The following PRAM1 variants were observed in gnomAD, a reference collection of about 807,000 sequenced individuals.
PRAM1 encodes PML-RARA-regulated adapter molecule 1.
PRAM1 carries 41 observed loss-of-function variants against 55.3 expected under a neutral mutation model. The ratio of observed to expected loss-of-function variants is 0.74; its 90% CI spans 0.58 to 0.96. The LOEUF (loss-of-function observed/expected upper bound fraction) is 0.96. PRAM1 is among the 40% of genes least tolerant of loss of function. The pLI, the probability that PRAM1 is intolerant of heterozygous loss-of-function variation, is 0.00. For missense variants in PRAM1, 898 were observed against 892.7 expected (o/e 1.01, Z -0.08); for synonymous variants, 401 against 387.1 (o/e 1.04, Z -0.42).
chr19:8,491,468 G>A, intron 4 of PRAM1: 1 of 474,522 alleles, frequency 2.1e-6, no homozygotes, highest in South Asian at 2.2e-5. Context: ...CCTGACCTCA[G>A]GCAATCCACT....
At chr19:8,495,107 T>C (rs1251718300) in intron 4 of PRAM1, among the ~76,000 whole-genome samples, 1 of 143,056 alleles carries the variant, frequency 7.0e-6, no homozygotes, top group Non-Finnish European at 1.5e-5. Flanking sequence ...GCCCGACTCA[T>C]TTTTTTTTTT....
In PRAM1 at chr19:8,498,594, G is replaced by C. The variant is rs1341964163; in HGVS notation, c.1214C>G (p.Pro405Arg). The C allele has an allele frequency of 2.5e-6, 4 of 1,612,646 alleles. No individual in the cohort carries two copies. Among genetic ancestry groups the C allele is most frequent in the Non-Finnish European group, 3.4e-6 (4 of 1,179,734 alleles). ...AGCCGCTCCAAACCCAGGGCTGAGC[G>C]GGTGCCGGGAGCTGAAGCCGGCCAC... Reference protein sequence around the residue: ...AAVAGFSSRHPLSPGFGAAGT... With the variant: ...AAVAGFSSRHRLSPGFGAAGT... Residue 405 changes from proline (P) to arginine (R), a missense_variant, in exon 2 of 10, where the codon CCG becomes CGG. By Grantham distance (103) the Pro-to-Arg change is moderately radical. Coordinates refer to ENST00000423345, the MANE Select transcript of PRAM1 (RefSeq NM_032152.5).
chr19:8,490,351 A>G lies in PRAM1; in HGVS notation c.1962T>C (p.Asp654=), dbSNP rs1208028442. ...GTGTCCACGTACCGCAGAAGTCGACATCATCGTACACCTCCGTCTCCCTGG... is the reference window on the plus strand; with the variant it reads ...GTGTCCACGTACCGCAGAAGTCGACGTCATCGTACACCTCCGTCTCCCTGG... The part of the protein sequence containing the change: ...LLPLETEVYD[D]VDFCDPLENQ... The change falls in exon 9 of 10, where the codon GAT becomes GAC. Residue 654 remains aspartate, a synonymous_variant. Transcript: ENST00000423345. This position sits in a 1 kb window ranked among gnomAD's most constrained non-coding sequence, Gnocchi z 7.3. The G allele has an allele frequency of 6.2e-7, 1 of 1,613,974 alleles. No individual in the cohort carries two copies. The highest frequency in any genetic ancestry group is 8.5e-7 in the Non-Finnish European group (1 of 1,179,886).
At position 8,499,125 on chromosome 19, in the gene PRAM1, G is replaced by A. The variant is rs377325902; in HGVS notation, c.683C>T (p.Pro228Leu). 51 of 1,613,566 alleles carry A rather than the reference G, an allele frequency of 3.2e-5. No individual in the cohort carries two copies. Among genetic ancestry groups the A allele is most frequent in the Admixed American group, 1.3e-4 (8 of 59,982 alleles). ...GAGGCCACCGACCTGAGGCTGCGGA[G>A]GCTTTTTGGGGTACACGTTGAACTC... ...QPEFNVYPKK[P>L]PQPQVGGLPK... Residue 228 changes from proline (P) to leucine (L), a missense_variant, in exon 2 of 10, where the codon CCT becomes CTT. Physicochemically the swap from Pro to Leu is moderately conservative, Grantham distance 98. Transcript: ENST00000423345.
In PRAM1 at chr19:8,499,096, T is replaced by C. The variant is rs201771866; in HGVS notation, c.712A>G (p.Lys238Glu). ...PPQPQVGGLP[K>E]KSVPQPEFSE... ...AACTCAGGCTGCGGCACGGACTTCT[T>C]AGGGAGGCCACCGACCTGAGGCTGC... Residue 238 changes from lysine to glutamate, a missense_variant, in exon 2 of 10, where the codon AAG becomes GAG. Lys to Glu is a moderately conservative substitution (Grantham distance 56). This residue lies in a region of PRAM1 where 787 missense variants were observed against 735.4 expected (regional missense o/e 1.07). Coordinates refer to ENST00000423345, the MANE Select transcript of PRAM1 (RefSeq NM_032152.5). The C allele has an allele frequency of 4.1e-4, 655 of 1,613,392 alleles. 1 individual carries two copies. The highest frequency in any genetic ancestry group is 3.9e-4 in the Non-Finnish European group (457 of 1,179,744).
In PRAM1 at chr19:8,499,269, G is replaced by T. The variant is rs200841911; in HGVS notation, c.539C>A (p.Pro180His). 33 of 1,610,556 alleles carry T rather than the reference G, an allele frequency of 2.0e-5. No homozygotes were observed. Among genetic ancestry groups the T allele is most frequent in the Admixed American group, 1.7e-4 (10 of 59,576 alleles). ...PDELSHPARPPSEPKSGAFPR... is the reference protein window; with the variant it reads ...PDELSHPARPHSEPKSGAFPR... The stretch of plus-strand genomic sequence containing the variant: ...GAATGCGCCGGATTTGGGTTCGGAG[G>T]GGGGTCTGGCGGGGTGACTGAGTTC... Residue 180 changes from proline (P) to histidine (H), a missense_variant, in exon 2 of 10, where the codon CCC (proline) becomes CAC (histidine). Transcript: ENST00000423345.
At chr19:8,494,766 G>A (rs1372996961) in intron 4 of PRAM1, among the ~76,000 whole-genome samples, 1 of 151,510 alleles carries the variant, frequency 6.6e-6, no homozygotes, top group Non-Finnish European at 1.5e-5. Flanking sequence ...CAAGTAGCTG[G>A]GATTACAGGC....
In PRAM1 at chr19:8,490,955, C is replaced by A; in HGVS notation, c.1675G>T (p.Asp559Tyr). ...DPQPQQLPPM[D>Y]PKLLKQLRKA... is the part of the protein sequence containing the mutation. ...CTCAGCTGCTTCAGCAACTTTGGGT[C>A]CATGGGTGGCAACTGCTGTGGCTGG... The change falls in exon 6 of 10, where the codon GAC becomes TAC. Residue 559 changes from aspartate to tyrosine, a missense_variant. This residue lies in a region of PRAM1 where 787 missense variants were observed against 735.4 expected (regional missense o/e 1.07). Transcript: ENST00000423345. This position sits in a 1 kb window ranked among gnomAD's most constrained non-coding sequence, Gnocchi z 7.3. 1 of 1,613,808 alleles carries A rather than the reference C, an allele frequency of 6.2e-7. No individual in the cohort carries two copies. The highest frequency in any genetic ancestry group is 2.2e-5 in the East Asian group (1 of 44,876).
Position 8,501,717 on chromosome 19 carries a change from G to A in PRAM1, c.27+848C>T, listed in dbSNP as rs142090168. On this transcript the variant is annotated intron_variant, in intron 1 of 9. Coordinates refer to ENST00000423345, the MANE Select transcript of PRAM1 (RefSeq NM_032152.5). ...CTGACCATCAGGAAAACACAGAGAT[G>A]CCTGGAGACGGCCATGCGGTCCCTC... Among the ~76,000 whole-genome samples, 507 of 152,214 alleles carry A rather than the reference G, an allele frequency of 3.3e-3. 4 individuals are homozygous for A. The highest frequency in any genetic ancestry group is 0.011 in the African/African-American group (456 of 41,534).
At chr19:8,500,081 C>T (rs1466725717) in intron 1 of PRAM1, among the ~76,000 whole-genome samples, 1 of 148,384 alleles carries the variant, frequency 6.7e-6, no homozygotes, top group African/African-American at 2.5e-5. Context: ...ACCCCACCCC[C>T]CCAGCATCCT....
rs963495200 is a variant in PRAM1, at chr19:8,493,532, C to A, written c.1577-2375G>T. Among the ~76,000 whole-genome samples, 1 of 151,148 alleles carries A rather than the reference C, an allele frequency of 6.6e-6. No homozygotes were observed. Among genetic ancestry groups the A allele is most frequent in the African/African-American group, 2.5e-5 (1 of 40,410 alleles). On this transcript the variant is annotated intron_variant, in intron 4 of 9. Transcript: ENST00000423345. The surrounding 1 kb of genome is among the most constrained non-coding windows in gnomAD (Gnocchi z 4.1). ...CAGCCCTGGTTCATCCACAGCTGAC[C>A]CAGAGCAGGCCTCTGCCCGCCTTCC...
Position 8,491,171 on chromosome 19 carries a change from G to A in PRAM1, c.1577-14C>T. ...AGGGCGCTTCATCTGGGGACAGTCA[G>A]GACTCCGAGTCAAGGCAGGGCCCGC... On this transcript the variant is annotated splice_polypyrimidine_tract_variant and intron_variant, in intron 4 of 9. Transcript: ENST00000423345. The A allele has an allele frequency of 6.2e-7, 1 of 1,608,022 alleles. No individual in the cohort carries two copies. Among genetic ancestry groups the A allele is most frequent in the Non-Finnish European group, 8.5e-7 (1 of 1,178,962 alleles).
rs1971718183 is a variant in PRAM1 at position 8,497,751 on chromosome 19, GCCA to G, written c.1576+10_1576+12del. On this transcript the variant is annotated intron_variant, in intron 4 of 9. Coordinates refer to ENST00000423345, the MANE Select transcript of PRAM1 (RefSeq NM_032152.5). The stretch of plus-strand genomic sequence containing the variant: ...GAATGTTTTGCAGGGACTCGGGCAG[GCCA>G]CCAACAAACCTCTGCCCTTGGGGCT... 3.8e-6 allele frequency: 6 copies of G among 1,596,774 alleles called. No individual in the cohort carries two copies. The highest frequency in any genetic ancestry group is 5.1e-6 in the Non-Finnish European group (6 of 1,174,322).
At position 8,499,792 on chromosome 19, in the gene PRAM1, A is replaced by G. The variant is rs1252268088; in HGVS notation, c.28-12T>C. On this transcript the variant is annotated splice_polypyrimidine_tract_variant and intron_variant, in intron 1 of 9. Transcript: ENST00000423345. ...TCCTGATGGCTCTCCTAGGAGACGCAGAGCCAATGAGGCAGGGGCTCAAAC... is the reference window on the plus strand; with the variant it reads ...TCCTGATGGCTCTCCTAGGAGACGCGGAGCCAATGAGGCAGGGGCTCAAAC... 8 of 1,573,998 alleles carry G rather than the reference A, an allele frequency of 5.1e-6. No homozygotes were observed. Among genetic ancestry groups the G allele is most frequent in the Non-Finnish European group, 6.9e-6 (8 of 1,160,072 alleles).
intron 1 of PRAM1, among the ~76,000 whole-genome samples, chr19:8,501,502 T>C (rs937428120): frequency 9.1e-5 from 13 of 142,684 alleles, no homozygotes; most frequent in African/African-American, 3.5e-4. Flanking sequence ...TTTTAATGTG[T>C]CTTGATTTTT....
chr19:8,501,507 A>ATTTTTTTTTTTTT (rs773534887), intron 1 of PRAM1, among the ~76,000 whole-genome samples: 15 of 102,848 alleles, frequency 1.5e-4, no homozygotes, highest in East Asian at 3.0e-4. Context: ...ATGTGTCTTG[A>ATTTTTTTTTTTTT]TTTTTTTTTT....
chr19:8,492,244 T>TTTG (rs1555713635), intron 4 of PRAM1, among the ~76,000 whole-genome samples: 1 of 141,214 alleles, frequency 7.1e-6, no homozygotes, highest in African/African-American at 2.8e-5. Flanking sequence ...CGTTTTTTTT[T>TTTG]TTGTTTCTTT....
rs1971750826 is a variant in PRAM1 at position 8,498,907 on chromosome 19, C to T, written c.901G>A (p.Glu301Lys). ...GGCCTCTTGGGAAGCACGCTGACTT[C>T]GGGCTCTGAGGAGGTCCTGGTGAGG... The part of the protein sequence containing the change: ...GDLTRTSSEP[E>K]VSVLPKRPRP... Residue 301 changes from glutamate to lysine, a missense_variant, in exon 2 of 10, where the codon GAA becomes AAA. By Grantham distance (56) the Glu-to-Lys change is moderately conservative. Coordinates refer to ENST00000423345, the MANE Select transcript of PRAM1 (RefSeq NM_032152.5). 6.2e-6 allele frequency: 10 copies of T among 1,613,382 alleles called. No individual in the cohort carries two copies. The highest frequency in any genetic ancestry group is 3.3e-5 in the South Asian group (3 of 91,074).
chr19:8,499,175 G>C lies in PRAM1; in HGVS notation c.633C>G (p.Thr211=), dbSNP rs185680337. 3 of 1,613,656 alleles carry C rather than the reference G, an allele frequency of 1.9e-6. No individual in the cohort carries two copies. The highest frequency in any genetic ancestry group is 1.3e-5 in the African/African-American group (1 of 74,916). Reference sequence around the variant, plus strand: ...CAGGCTGCGCAGGCTTCTTGGGAAAGGTACTCAACTCAGGCTGCGGGGACC... The same window carrying C: ...CAGGCTGCGCAGGCTTCTTGGGAAACGTACTCAACTCAGGCTGCGGGGACC... ...TPRSPQPELS[T]FPKKPAQPEF... Residue 211 remains threonine, a synonymous_variant, in exon 2 of 10, where the codon ACC becomes ACG. Transcript: ENST00000423345.
Sources: gnomAD v4.1 joint callset for allele counts (sites outside exome capture counted in the v4.1 genomes callset) on GRCh38, gnomAD v4.1.1 for gene constraint, gnomAD v4.1.1 regional missense constraint, Gnocchi (gnomAD v3.1) non-coding constraint, MANE v1.5 for transcripts, NCBI Gene and HGNC (gene_info 2026-07-23, HGNC 2026-07-21) for gene names.